Variants in ANO6 observed in about 807,000 individuals in gnomAD.
ANO6 encodes the protein anoctamin 6.
ANO6 carries 106 observed loss-of-function variants against 117.5 expected under a neutral mutation model. The observed-to-expected ratio is 0.90, with a 90% confidence interval of 0.77 to 1.06. The LOEUF (loss-of-function observed/expected upper bound fraction) is 1.06, where lower values mean the gene tolerates loss of function less well. Ranked by LOEUF, ANO6 falls within the 50% of genes least tolerant of loss-of-function variation. The probability of loss-of-function intolerance (pLI) is 0.00; values close to 1 mark genes in which losing one functional copy is unlikely to be tolerated. For synonymous variants in ANO6, 367 were observed against 385.1 expected, an observed-to-expected ratio of 0.95 and a Z score of 0.55; for missense variants, 955 against 1,121.1, an observed-to-expected ratio of 0.85 and a Z score of 2.12.
intron 16 of ANO6, among the ~76,000 whole-genome samples, chr12:45,413,599 G>A (rs539852733): frequency 6.6e-6 from 1 of 152,308 alleles, no homozygotes; most frequent in East Asian, 1.9e-4. Context: ...GGGGGTAAAG[G>A]GACATTTGAA....
intron 1 of ANO6, among the ~76,000 whole-genome samples, chr12:45,282,182 T>G (rs1198545069): frequency 1.3e-5 from 2 of 152,206 alleles, no homozygotes; most frequent in East Asian, 3.8e-4. Context: ...GAGGGAAGCA[T>G]AAGTCCTGTG....
intron 12 of ANO6, among the ~76,000 whole-genome samples, chr12:45,392,276 G>A (rs557846211): frequency 1.4e-4 from 22 of 152,350 alleles, no homozygotes; most frequent in East Asian, 5.8e-4. Context: ...ATCAATCTGC[G>A]AGGTGGCAGC....
intron 1 of ANO6, among the ~76,000 whole-genome samples, chr12:45,234,631 T>C (rs2137147862): frequency 6.6e-6 from 1 of 152,308 alleles, no homozygotes; most frequent in African/African-American, 2.4e-5. Context: ...ACTCATGATT[T>C]TTCGAGCCTG....
chr12:45,439,853 C>A, exon 20 of ANO6: 1 of 1,534,456 alleles, frequency 6.5e-7, no homozygotes, highest in Non-Finnish European at 8.8e-7. Flanking sequence ...TCAATAATAT[C>A]TATTTTCTTT....
At chr12:45,372,648 G>C (rs1593028731) in intron 9 of ANO6, among the ~76,000 whole-genome samples, 1 of 151,530 alleles carries the variant, frequency 6.6e-6, no homozygotes, top group Admixed American at 6.6e-5. Flanking sequence ...ATCCTTTACA[G>C]ACAAGCAAAT....
intron 5 of ANO6, 48 bp from the exon 6 acceptor site, chr12:45,348,470 G>T: frequency 6.5e-7 from 1 of 1,547,490 alleles, no homozygotes; most frequent in Non-Finnish European, 8.9e-7. Context: ...GATTGGATTG[G>T]TTAATTACAC....
intron 1 of ANO6, among the ~76,000 whole-genome samples, chr12:45,285,148 A>G (rs1190945867): frequency 1.3e-5 from 2 of 152,188 alleles, no homozygotes; most frequent in Non-Finnish European, 2.9e-5. Flanking sequence ...TAATCACATG[A>G]TTGAAGTCCA....
intron 12 of ANO6, among the ~76,000 whole-genome samples, chr12:45,392,362 C>T (rs2090230): frequency 0.056 from 8,532 of 152,300 alleles, 480 homozygotes; most frequent in East Asian, 0.32. Flanking sequence ...TCAAACTGGG[C>T]AGAGCCCACC....
intron 1 of ANO6, among the ~76,000 whole-genome samples, chr12:45,262,464 C>T (rs559402212): frequency 1.3e-5 from 2 of 151,654 alleles, no homozygotes; most frequent in East Asian, 3.9e-4. Flanking sequence ...GCTCTTGTTG[C>T]CCAGGCTGGA....
intron 16 of ANO6, among the ~76,000 whole-genome samples, chr12:45,411,677 C>A (rs959583291): frequency 6.6e-6 from 1 of 152,224 alleles, no homozygotes; most frequent in African/African-American, 2.4e-5. Context: ...TTCCGGAAAG[C>A]AAGCCTCCAG....
intron 2 of ANO6, among the ~76,000 whole-genome samples, chr12:45,305,947 G>A (rs1939655667): frequency 6.6e-6 from 1 of 152,100 alleles, no homozygotes; most frequent in Non-Finnish European, 1.5e-5. Flanking sequence ...AGCAGTAATG[G>A]TCAAGGCTAT....
At chr12:45,408,270 A>C (rs1942994728) in intron 15 of ANO6, among the ~76,000 whole-genome samples, 1 of 152,146 alleles carries the variant, frequency 6.6e-6, no homozygotes, top group African/African-American at 2.4e-5. Flanking sequence ...CAGATGTTAG[A>C]TCTGTATTTG....
chr12:45,394,187 G>C (rs538592808), intron 12 of ANO6, among the ~76,000 whole-genome samples: 14 of 152,150 alleles, frequency 9.2e-5, no homozygotes, highest in Admixed American at 8.5e-4. Flanking sequence ...AAAAGCAGGG[G>C]TTGCAATCCT....
At chr12:45,345,435 C>T (rs1300177228) in intron 3 of ANO6, among the ~76,000 whole-genome samples, 1 of 152,062 alleles carries the variant, frequency 6.6e-6, no homozygotes, top group Non-Finnish European at 1.5e-5. Flanking sequence ...GAGTATTGTT[C>T]CCTGGGTAAA....
chr12:45,290,156 A>G (rs1366806687), intron 1 of ANO6, among the ~76,000 whole-genome samples: 2 of 152,172 alleles, frequency 1.3e-5, no homozygotes, highest in African/African-American at 4.8e-5. Context: ...AATAGAGACA[A>G]TATATACATG....
At chr12:45,330,246 G>C (rs1303650834) in intron 2 of ANO6, among the ~76,000 whole-genome samples, 1 of 152,116 alleles carries the variant, frequency 6.6e-6, no homozygotes, top group African/African-American at 2.4e-5. Flanking sequence ...TTTCATATAA[G>C]TATCAAAAAA....
chr12:45,326,161 C>T (rs917032372), intron 2 of ANO6, among the ~76,000 whole-genome samples: 10 of 152,128 alleles, frequency 6.6e-5, no homozygotes, highest in Non-Finnish European at 1.0e-4. Context: ...GAGTTTAACA[C>T]AGGCAAATGG....
intron 1 of ANO6, chr12:45,228,240 C>CTTT: frequency 2.3e-6 from 1 of 430,248 alleles, no homozygotes; most frequent in South Asian, 1.6e-5. Context: ...AATTGATCCT[C>CTTT]TTACCTCAAC....
At chr12:45,331,464 A>G (rs925802449) in intron 3 of ANO6, 41 bp downstream of exon 3, 12 of 1,541,054 alleles carry the variant, frequency 7.8e-6, no homozygotes, top group African/African-American at 2.8e-5. Flanking sequence ...TATTTCTTAT[A>G]TTGTAACATG....
Sources: allele counts gnomAD v4.1 joint callset (sites outside exome capture counted in the v4.1 genomes callset), GRCh38; gene constraint gnomAD v4.1.1; transcripts MANE v1.5; gene names NCBI Gene and HGNC (gene_info 2026-07-23, HGNC 2026-07-21).